THRAP3: variants seen among roughly 807,000 people sequenced by gnomAD.
THRAP3 encodes thyroid hormone receptor-associated protein 3.
A neutral mutation model predicts 101.0 loss-of-function variants in THRAP3; 16 were observed. The observed-to-expected ratio is 0.16, with a 90% CI of 0.11 to 0.24. THRAP3 has a LOEUF of 0.24. THRAP3 is among the 10% of genes least tolerant of loss of function. The probability of loss-of-function intolerance (pLI) is 1.00; values close to 1 mark genes in which losing one functional copy is unlikely to be tolerated. For synonymous variants in THRAP3, 407 were observed against 422.6 expected (o/e 0.96, Z 0.45); for missense variants, 989 against 1,202.7 (o/e 0.82, Z 2.63).
chr1:36,296,479 C>A, intron 8 of THRAP3, 104 bp from the exon 9 acceptor site: 2 of 884,854 alleles, frequency 2.3e-6, no homozygotes, highest in Non-Finnish European at 1.7e-6. Flanking sequence ...TTTCCCAGTG[C>A]TTCCTCTGCA....
chr1:36,262,319 A>G (rs968264889), intron 2 of THRAP3, among the ~76,000 whole-genome samples: 2 of 152,236 alleles, frequency 1.3e-5, no homozygotes, highest in Non-Finnish European at 2.9e-5. Flanking sequence ...CTAAGAGTTC[A>G]TACTTCTGAA....
chr1:36,270,482 C>A (rs1252749873), intron 2 of THRAP3, among the ~76,000 whole-genome samples: 4 of 151,390 alleles, frequency 2.6e-5, no homozygotes, highest in African/African-American at 9.7e-5. Context: ...TCTTTAAAGT[C>A]ATAAAAAGGC....
chr1:36,293,168 A>G lies in THRAP3; in HGVS notation c.2030+459A>G, dbSNP rs537816746. On this transcript the variant is annotated intron_variant, in intron 7 of 11. Coordinates refer to ENST00000354618, the MANE Select transcript of THRAP3 (RefSeq NM_005119.4). Reference sequence around the variant, plus strand: ...CTTAGCCTCCCAAGTACCTGGGATTACAAACGTGTGCCACCATGCCCAGCT... The same window carrying G: ...CTTAGCCTCCCAAGTACCTGGGATTGCAAACGTGTGCCACCATGCCCAGCT... Among the ~76,000 whole-genome samples, 4 of 151,112 alleles carry G rather than the reference A, an allele frequency of 2.6e-5. No homozygotes were observed. The South Asian group carries it at 8.3e-4, about 31-fold the overall frequency.
chr1:36,239,257 CTTTTTTTT>C (rs34860552), intron 1 of THRAP3, among the ~76,000 whole-genome samples: 4 of 108,220 alleles, frequency 3.7e-5, no homozygotes, highest in Non-Finnish European at 7.3e-5. Context: ...CCAGGCTGGT[CTTTTTTTT>C]TTTTTTTTTT....
At chr1:36,295,954 C>CTTTTTTTTTTT (rs575028397) in intron 8 of THRAP3, among the ~76,000 whole-genome samples, 3 of 60,496 alleles carry the variant, frequency 5.0e-5, no homozygotes, top group South Asian at 6.1e-4. Context: ...GCCTTCTCAA[C>CTTTTTTTTTTT]TTTTTTTTTT....
intron 3 of THRAP3, among the ~76,000 whole-genome samples, chr1:36,284,536 G>C (rs2124590801): frequency 6.6e-6 from 1 of 152,338 alleles, no homozygotes. Context: ...CAGAGAGTTT[G>C]AGAAACCATG....
intron 4 of THRAP3, 31 bp downstream of exon 4, chr1:36,287,301 G>A: frequency 6.4e-7 from 1 of 1,550,652 alleles, no homozygotes; most frequent in Non-Finnish European, 8.7e-7. Flanking sequence ...GCCTGGTTGT[G>A]TTTTTATCTC....
rs1000675446 is a variant in THRAP3, at chr1:36,304,119, AC to A, written c.*107del. ...ACCTCAAGAAGATTCTGAAAATCCTACCCCCACCCCCCACCAGCCGCACAGA... is the reference window on the plus strand; with the variant it reads ...ACCTCAAGAAGATTCTGAAAATCCTACCCCACCCCCCACCAGCCGCACAGA... On this transcript the variant is annotated 3_prime_UTR_variant, in exon 12 of 12. Coordinates refer to ENST00000354618, the MANE Select transcript of THRAP3 (RefSeq NM_005119.4). The A allele has an allele frequency of 3.3e-5, 47 of 1,415,578 alleles. No homozygotes were observed. Among genetic ancestry groups the A allele is most frequent in the Non-Finnish European group, 4.2e-5 (45 of 1,075,984 alleles). The allele number at this position is 1,415,578 out of a possible 1,614,324, so 87.7% of individuals were successfully genotyped here. A position where few individuals can be genotyped will look rare whatever the true frequency, so the allele number is the denominator to read the frequency against.
chr1:36,298,833 G>A (rs1645987428), intron 9 of THRAP3, among the ~76,000 whole-genome samples: 2 of 151,096 alleles, frequency 1.3e-5, no homozygotes, highest in South Asian at 2.1e-4. Context: ...TTGCTGTGTC[G>A]CCCAGGCTGG....
rs371751740 is a variant in THRAP3 at position 36,278,056 on chromosome 1, G to GC, written c.-31-4471dup. ...GAGTGGGGTTACGGTCGTGAGCCCA[G>GC]CCCCCCTTTTTTTTTTTTTTTTTTT... On this transcript the variant is annotated intron_variant, in intron 2 of 11. Transcript: ENST00000354618. Among the ~76,000 whole-genome samples, 37 of 131,954 alleles carry GC rather than the reference G, an allele frequency of 2.8e-4. 1 individual carries two copies. The highest frequency in any genetic ancestry group is 9.9e-4 in the African/African-American group (35 of 35,296). 86.6% of individuals were successfully genotyped at this position (131,954 alleles called of 152,430 possible).
intron 6 of THRAP3, among the ~76,000 whole-genome samples, chr1:36,292,063 C>G (rs1645875215): frequency 6.6e-6 from 1 of 151,972 alleles, no homozygotes; most frequent in Non-Finnish European, 1.5e-5. Flanking sequence ...TCAAGTTTCT[C>G]TGTCCTAAGA....
the THRAP3 span, among the ~76,000 whole-genome samples, chr1:36,213,997 GGAAAGAAAGAAAGAAAGAAA>G: frequency 0.013 from 1,088 of 80,946 alleles, 15 homozygotes; most frequent in Non-Finnish European, 0.016. Context: ...AAGAAAGAAA[GGAAAGAAAGAAAGAAAGAAA>G]GAAAGAAAGA....
chr1:36,264,575 A>G (rs1645488318), intron 2 of THRAP3, among the ~76,000 whole-genome samples: 1 of 152,210 alleles, frequency 6.6e-6, no homozygotes, highest in Non-Finnish European at 1.5e-5. Context: ...CACCCACCTT[A>G]GTGCCCCTCT....
In THRAP3 at chr1:36,273,933, C is replaced by T. The variant is rs577468137; in HGVS notation, c.-31-8600C>T. On this transcript the variant is annotated intron_variant, in intron 2 of 11. Transcript: ENST00000354618. ...TAGCACATGCCTATTATCCCAGCTA[C>T]TGGGGAGGCTGAGGCAGGAGAATTG... is the stretch of plus-strand genomic sequence containing the variant. 2.0e-5 allele frequency among the ~76,000 whole-genome samples: 3 copies of T among 151,944 alleles called. No homozygotes were observed. The South Asian group carries it at 6.2e-4, about 32-fold the overall frequency.
chr1:36,293,217 C>T (rs12141896), intron 7 of THRAP3, among the ~76,000 whole-genome samples: 5,304 of 151,926 alleles, frequency 0.035, 132 homozygotes, highest in Middle Eastern at 0.062. Flanking sequence ...TTAGTAGAGA[C>T]AGGGTTTCAC....
At chr1:36,287,908 A>G in intron 4 of THRAP3, 1 of 985,308 alleles carries the variant, frequency 1.0e-6, no homozygotes, top group Non-Finnish European at 1.2e-6. Flanking sequence ...GTATGGTTGG[A>G]TGGATTGGGA....
At chr1:36,256,471 C>T (rs1209467795) in intron 1 of THRAP3, among the ~76,000 whole-genome samples, 1 of 151,920 alleles carries the variant, frequency 6.6e-6, no homozygotes, top group African/African-American at 2.4e-5. Flanking sequence ...GTGATCCGCC[C>T]GCCTCGGCCT....
chr1:36,250,835 C>G (rs946742971), intron 1 of THRAP3, among the ~76,000 whole-genome samples: 1 of 152,084 alleles, frequency 6.6e-6, no homozygotes, highest in Non-Finnish European at 1.5e-5. Flanking sequence ...CAACCTCCAC[C>G]TCCTGGGCTC....
At chr1:36,294,240 T>G in intron 8 of THRAP3, 1 of 1,138,724 alleles carries the variant, frequency 8.8e-7, no homozygotes, top group South Asian at 3.1e-5. Flanking sequence ...ATTTTTCTGC[T>G]TGTAAGTATT....
Sources: gnomAD v4.1 joint callset for allele counts (sites outside exome capture counted in the v4.1 genomes callset) on GRCh38, gnomAD v4.1.1 for gene constraint, MANE v1.5 for transcripts, NCBI Gene and HGNC (gene_info 2026-07-23, HGNC 2026-07-21) for gene names.